The following TTC6 variants were observed in gnomAD, a reference collection of about 807,000 sequenced individuals.
TTC6 encodes the protein tetratricopeptide repeat domain 6.
A neutral mutation model predicts 210.4 loss-of-function variants in TTC6; 172 were observed. The observed-to-expected ratio is 0.82, with a 90% CI of 0.72 to 0.93. The LOEUF is 0.93. TTC6 is among the 40% of genes least tolerant of loss of function. The probability of loss-of-function intolerance (pLI) is 0.00; values close to 1 mark genes in which losing one functional copy is unlikely to be tolerated. For synonymous variants in TTC6, 804 were observed against 819.6 expected (o/e 0.98, Z 0.32); for missense variants, 2,414 against 2,318.1 (o/e 1.04, Z -0.85).
At chr14:37,692,381 G>A (rs2095805553) in intron 3 of TTC6, among the ~76,000 whole-genome samples, 1 of 151,858 alleles carries the variant, frequency 6.6e-6, no homozygotes, top group Non-Finnish European at 1.5e-5. Context: ...GGGATGCAAG[G>A]ATGGTTCAAC....
intron 20 of TTC6, among the ~76,000 whole-genome samples, chr14:37,799,586 G>A (rs954086692): frequency 6.6e-6 from 1 of 152,038 alleles, no homozygotes; most frequent in African/African-American, 2.4e-5. Flanking sequence ...ATTATATTAG[G>A]TTATGTAGTA....
At chr14:37,713,453 G>C (rs1200526146) in intron 5 of TTC6, among the ~76,000 whole-genome samples, 2 of 152,136 alleles carry the variant, frequency 1.3e-5, no homozygotes, top group East Asian at 3.8e-4. Context: ...GGCTAGGCTG[G>C]TCTTGAACTC....
At chr14:37,807,893 C>T (rs564657495) in intron 23 of TTC6, among the ~76,000 whole-genome samples, 1 of 152,126 alleles carries the variant, frequency 6.6e-6, no homozygotes, top group Non-Finnish European at 1.5e-5. Flanking sequence ...CTGCTTTTTA[C>T]ACTTAATCTT....
intron 1 of TTC6, among the ~76,000 whole-genome samples, chr14:37,605,725 A>G (rs1488948248): frequency 6.6e-6 from 1 of 152,214 alleles, no homozygotes; most frequent in Admixed American, 6.5e-5. Context: ...GCTGGAGAAC[A>G]TCTAAGCAAA....
At chr14:37,692,872 T>C (rs906634868) in intron 3 of TTC6, among the ~76,000 whole-genome samples, 3 of 143,866 alleles carry the variant, frequency 2.1e-5, no homozygotes, top group African/African-American at 5.0e-5. Flanking sequence ...AATAAATAAA[T>C]AAATAAATAA....
At chr14:37,742,555 G>A (rs1203183094) in intron 10 of TTC6, among the ~76,000 whole-genome samples, 1 of 151,472 alleles carries the variant, frequency 6.6e-6, no homozygotes, top group Non-Finnish European at 1.5e-5. Flanking sequence ...GCCTACAGGT[G>A]GGTGCCACCA....
chr14:37,669,455 A>G (rs187708870), intron 1 of TTC6, among the ~76,000 whole-genome samples: 18 of 152,084 alleles, frequency 1.2e-4, no homozygotes, highest in African/African-American at 3.6e-4. Flanking sequence ...TTTAGTTTCT[A>G]CTTCTTTCTT....
chr14:37,798,485 T>C (rs1200018563), intron 20 of TTC6, among the ~76,000 whole-genome samples: 1 of 152,068 alleles, frequency 6.6e-6, no homozygotes, highest in Non-Finnish European at 1.5e-5. Flanking sequence ...AACTTGCTTA[T>C]TATTTCTTAA....
intron 7 of TTC6, among the ~76,000 whole-genome samples, chr14:37,731,578 TA>T (rs1339953250): frequency 1.3e-5 from 2 of 152,212 alleles, no homozygotes; most frequent in African/African-American, 2.4e-5. Flanking sequence ...TGTCAATTTT[TA>T]CTTTATATAT....
chr14:37,749,935 T>C lies in TTC6; in HGVS notation c.2956+92T>C, dbSNP rs2095946808. Reference sequence around the variant, plus strand: ...CTATAAGGATACATAAATCAGTAGATATATGTCCTGAAAATGACTTTCCTC... The same window carrying C: ...CTATAAGGATACATAAATCAGTAGACATATGTCCTGAAAATGACTTTCCTC... On this transcript the variant is annotated intron_variant, in intron 12 of 30. Coordinates refer to ENST00000553443, the Ensembl canonical transcript of TTC6. 4.4e-6 allele frequency: 4 copies of C among 902,236 alleles called. No individual in the cohort carries two copies. In the South Asian group the frequency reaches 2.1e-4, roughly 47 times the overall value. The allele number at this position is 902,236 out of a possible 1,614,324, so 55.9% of individuals were successfully genotyped here.
intron 6 of TTC6, among the ~76,000 whole-genome samples, chr14:37,719,327 CT>C (rs922872685): frequency 0.024 from 3,593 of 147,054 alleles, 46 homozygotes; most frequent in Middle Eastern, 0.042. Flanking sequence ...TCCAGCAAGG[CT>C]TTTTTTTTTG....
chr14:37,824,512 A>G (rs2096165751), intron 27 of TTC6, among the ~76,000 whole-genome samples: 1 of 152,166 alleles, frequency 6.6e-6, no homozygotes, highest in Non-Finnish European at 1.5e-5. Flanking sequence ...ACATTAACTG[A>G]GCACTAAATG....
exon 20 of TTC6, chr14:37,796,835 G>A (rs769065769): frequency 2.5e-6 from 4 of 1,609,166 alleles, no homozygotes; most frequent in East Asian, 2.2e-5. Flanking sequence ...TATTCATTTT[G>A]TGAAAACCAT....
intron 7 of TTC6, among the ~76,000 whole-genome samples, chr14:37,729,833 G>A (rs942055826): frequency 2.0e-5 from 3 of 152,184 alleles, no homozygotes; most frequent in Admixed American, 6.5e-5. Context: ...ACAAAGTATG[G>A]GCATATATTT....
chr14:37,749,012 C>T (rs760080585), exon 11 of TTC6: 64 of 1,535,328 alleles, frequency 4.2e-5, no homozygotes, highest in African/African-American at 6.8e-5. Flanking sequence ...ACGTCAAATA[C>T]GGTGTCCCAG....
intron 20 of TTC6, among the ~76,000 whole-genome samples, chr14:37,804,343 A>C (rs777333016): frequency 1.7e-4 from 26 of 152,228 alleles, no homozygotes; most frequent in Non-Finnish European, 2.9e-4. Flanking sequence ...AATTGTCAAT[A>C]AACTTGTTCA....
At chr14:37,672,246 T>C (rs1213813875) in intron 1 of TTC6, among the ~76,000 whole-genome samples, 1 of 152,088 alleles carries the variant, frequency 6.6e-6, no homozygotes, top group East Asian at 1.9e-4. Context: ...AGAACCCAGC[T>C]CTTCTTCACA....
intron 8 of TTC6, among the ~76,000 whole-genome samples, chr14:37,737,169 A>G (rs2095903925): frequency 6.6e-6 from 1 of 152,122 alleles, no homozygotes; most frequent in South Asian, 2.1e-4. Context: ...CTCTTAATAT[A>G]ATAACACCAG....
At chr14:37,628,797 A>G (rs929232514) in intron 1 of TTC6, among the ~76,000 whole-genome samples, 1 of 152,210 alleles carries the variant, frequency 6.6e-6, no homozygotes, top group Non-Finnish European at 1.5e-5. Context: ...GGTGCAAGGA[A>G]GGGGTCCAGT....
Sources: gnomAD v4.1 joint callset for allele counts (sites outside exome capture counted in the v4.1 genomes callset) on GRCh38, gnomAD v4.1.1 for gene constraint, MANE v1.5 for transcripts, NCBI Gene and HGNC (gene_info 2026-07-23, HGNC 2026-07-21) for gene names.